Variants in CNTN4 observed in about 807,000 individuals in gnomAD.
CNTN4 encodes the protein contactin 4.
CNTN4 carries 77 observed loss-of-function variants against 122.5 expected under a neutral mutation model. That is an observed-to-expected ratio of 0.63 (90% confidence interval 0.52 to 0.76). The LOEUF is 0.76. Among genes scored for constraint, CNTN4 ranks in the 30% least tolerant of loss-of-function variants. CNTN4 has a pLI of 0.00. For missense variants in CNTN4, 1,256 were observed against 1,259.1 expected, an observed-to-expected ratio of 1.00 and a Z score of 0.04; for synonymous variants, 512 against 447.0, an observed-to-expected ratio of 1.15 and a Z score of -1.83.
intron 13 of CNTN4, among the ~76,000 whole-genome samples, chr3:2,960,397 TTTTTTG>T (rs2094840816): frequency 8.7e-6 from 1 of 114,606 alleles, no homozygotes; most frequent in Admixed American, 9.6e-5. Context: ...AGTTTTTTTG[TTTTTTG>T]TTTTTTGTTT....
chr3:2,811,862 C>A (rs898056890), intron 6 of CNTN4, among the ~76,000 whole-genome samples: 12 of 152,178 alleles, frequency 7.9e-5, no homozygotes, highest in Non-Finnish European at 1.6e-4. Context: ...GACAGGGTTT[C>A]CCCGTGTTGG....
At chr3:2,366,190 G>T (rs2045369718) in intron 3 of CNTN4, among the ~76,000 whole-genome samples, 1 of 152,112 alleles carries the variant, frequency 6.6e-6, no homozygotes, top group South Asian at 2.1e-4. Context: ...TCATTTCTTG[G>T]TTATTTCAGT....
At chr3:2,995,510 T>C (rs1227649401) in intron 14 of CNTN4, among the ~76,000 whole-genome samples, 1 of 152,190 alleles carries the variant, frequency 6.6e-6, no homozygotes, top group Non-Finnish European at 1.5e-5. Flanking sequence ...AGAGGGAAGA[T>C]GTAATTCCTT....
At chr3:3,001,227 CTT>C (rs1314401434) in intron 14 of CNTN4, among the ~76,000 whole-genome samples, 1 of 152,108 alleles carries the variant, frequency 6.6e-6, no homozygotes, top group Non-Finnish European at 1.5e-5. Flanking sequence ...ATTAAGCAGA[CTT>C]TTACCGCTAC....
Position 2,767,175 on chromosome 3 carries a change from A to G in CNTN4, c.358+21478A>G, listed in dbSNP as rs148123572. Among the ~76,000 whole-genome samples the G allele has an allele frequency of 2.6e-4, 40 of 152,340 alleles. No homozygotes were observed. The East Asian group carries it at 7.3e-3, about 28-fold the overall frequency. On this transcript the variant is annotated intron_variant, in intron 6 of 24. Transcript: ENST00000418658. ...CAAAGAGAAGCTGGTAAGAAAGGCA[A>G]CCTTGAAAGTCTTCACACTTTAGAG...
intron 13 of CNTN4, among the ~76,000 whole-genome samples, chr3:2,942,481 G>A (rs778309255): frequency 6.6e-6 from 1 of 152,054 alleles, no homozygotes; most frequent in African/African-American, 2.4e-5. Context: ...CTCATGAGAC[G>A]CAATTACTGC....
intron 4 of CNTN4, among the ~76,000 whole-genome samples, chr3:2,721,928 C>G (rs1016779344): frequency 6.6e-6 from 1 of 152,156 alleles, no homozygotes; most frequent in Non-Finnish European, 1.5e-5. Flanking sequence ...AGAGAAGCCC[C>G]AGAGAGCTGC....
intron 12 of CNTN4, among the ~76,000 whole-genome samples, chr3:2,914,359 A>T (rs73007768): frequency 0.14 from 21,332 of 152,180 alleles, 1,829 homozygotes; most frequent in Non-Finnish European, 0.19. Flanking sequence ...AAATCAGTGT[A>T]AACAAGAGTT....
intron 2 of CNTN4, among the ~76,000 whole-genome samples, chr3:2,334,827 T>G (rs2150321576): frequency 6.6e-6 from 1 of 152,296 alleles, no homozygotes; most frequent in South Asian, 2.1e-4. Context: ...GCATCTGGGT[T>G]TTTGAACATG....
intron 2 of CNTN4, among the ~76,000 whole-genome samples, chr3:2,166,865 C>A (rs990548277): frequency 2.6e-5 from 4 of 151,864 alleles, no homozygotes; most frequent in African/African-American, 9.7e-5. Flanking sequence ...ATGAATAGCT[C>A]CTTAATGGCT....
chr3:2,439,208 GA>G (rs2048351512), intron 3 of CNTN4, among the ~76,000 whole-genome samples: 3 of 152,108 alleles, frequency 2.0e-5, no homozygotes, highest in African/African-American at 7.2e-5. Context: ...GTGGGCTCCT[GA>G]CCAACAAATC....
chr3:2,708,120 A>G (rs1485581415), intron 4 of CNTN4, among the ~76,000 whole-genome samples: 1 of 152,170 alleles, frequency 6.6e-6, no homozygotes, highest in African/African-American at 2.4e-5. Context: ...GATCAAATAC[A>G]TTATCTTTAA....
intron 2 of CNTN4, among the ~76,000 whole-genome samples, chr3:2,177,052 G>T (rs191300560): frequency 1.3e-5 from 2 of 152,190 alleles, no homozygotes; most frequent in Admixed American, 1.3e-4. Context: ...AAGGTCATTT[G>T]ATGTCCACTT....
At chr3:2,813,083 C>G (rs966239689) in intron 6 of CNTN4, among the ~76,000 whole-genome samples, 1 of 152,098 alleles carries the variant, frequency 6.6e-6, no homozygotes, top group Non-Finnish European at 1.5e-5. Context: ...ATCCAGGAAA[C>G]CATAAAGTGT....
At chr3:2,131,684 G>T (rs1471212175) in intron 2 of CNTN4, among the ~76,000 whole-genome samples, 2 of 152,156 alleles carry the variant, frequency 1.3e-5, no homozygotes, top group African/African-American at 4.8e-5. Context: ...ATTAATTGCA[G>T]ATGAAACTAA....
At chr3:2,197,036 ACT>A (rs2037869176) in intron 2 of CNTN4, among the ~76,000 whole-genome samples, 1 of 144,552 alleles carries the variant, frequency 6.9e-6, no homozygotes, top group Non-Finnish European at 1.5e-5. Flanking sequence ...CAAGAGCGAA[ACT>A]CGGTCTCACC....
chr3:2,702,314 C>T lies in CNTN4; in HGVS notation c.56-33901C>T, dbSNP rs983731249. Among the ~76,000 whole-genome samples, 11 of 152,320 alleles carry T rather than the reference C, an allele frequency of 7.2e-5. No homozygotes were observed. In the East Asian group the frequency reaches 1.5e-3, roughly 21 times the overall value. On this transcript the variant is annotated intron_variant, in intron 4 of 24. Transcript: ENST00000418658. ...AGAGCATATGTCCACTGTGGGAATACAGGCACATGTAGGTAAAAGAACAAA... is the reference window on the plus strand; with the variant it reads ...AGAGCATATGTCCACTGTGGGAATATAGGCACATGTAGGTAAAAGAACAAA...
At chr3:2,803,650 C>G (rs1045858926) in intron 6 of CNTN4, among the ~76,000 whole-genome samples, 2 of 151,570 alleles carry the variant, frequency 1.3e-5, no homozygotes, top group African/African-American at 2.4e-5. Flanking sequence ...ACATCCGCCT[C>G]CTGGGTTCAA....
chr3:2,929,592 G>T (rs1207020722), intron 13 of CNTN4, among the ~76,000 whole-genome samples: 1 of 152,164 alleles, frequency 6.6e-6, no homozygotes, highest in Admixed American at 6.5e-5. Context: ...GGGCTTAGGT[G>T]CTCACACAGT....
Sources: allele counts gnomAD v4.1 joint callset (sites outside exome capture counted in the v4.1 genomes callset), GRCh38; gene constraint gnomAD v4.1.1; transcripts MANE v1.5; gene names NCBI Gene and HGNC (gene_info 2026-07-23, HGNC 2026-07-21).